The following AARSD1 variants were observed in gnomAD, a reference collection of about 807,000 sequenced individuals.
AARSD1 encodes the protein alanyl-tRNA editing protein Aarsd1.
A neutral mutation model predicts 48.7 loss-of-function variants in AARSD1; 44 were observed. The observed-to-expected ratio is 0.90, with a 90% CI of 0.71 to 1.16. AARSD1 has a LOEUF of 1.16. Ranked by LOEUF, AARSD1 falls within the 50% of genes most tolerant of loss-of-function variation. The pLI is 0.00. For synonymous variants in AARSD1, 189 were observed against 194.9 expected (o/e 0.97, Z 0.25); for missense variants, 511 against 523.1 (o/e 0.98, Z 0.23).
intron 3 of AARSD1, among the ~76,000 whole-genome samples, chr17:42,957,903 AGAAGAGGAAGAG>A (rs990946904): frequency 6.6e-6 from 1 of 152,176 alleles, no homozygotes; most frequent in African/African-American, 2.4e-5. Flanking sequence ...ATGAGGAGAA[AGAAGAGGAAGAG>A]GAGGAGGAAG....
At position 42,950,572 on chromosome 17, in the gene AARSD1, G is replaced by C; in HGVS notation, c.*21C>G. 1 of 1,563,550 alleles carries C rather than the reference G, an allele frequency of 6.4e-7. No individual in the cohort carries two copies. Among genetic ancestry groups the C allele is most frequent in the Non-Finnish European group, 8.7e-7 (1 of 1,151,340 alleles). ...TGACCAAAAGATTCCTGTGGAAACA[G>C]GAGGTGAGTGCCCTAAGCCCTCACT... On this transcript the variant is annotated 3_prime_UTR_variant, in exon 12 of 12. Coordinates refer to ENST00000427569, the MANE Select transcript of AARSD1 (RefSeq NM_001261434.2).
rs766025336 is a variant in AARSD1, at chr17:42,964,114, C to T, written c.163G>A (p.Gly55Arg). 6.2e-7 allele frequency: 1 copy of T among 1,614,184 alleles called. No homozygotes were observed. Among genetic ancestry groups the T allele is most frequent in the South Asian group, 1.1e-5 (1 of 91,082 alleles). Reference sequence around the variant, plus strand: ...AGAGATCGTTTTGGTACCTGTCCCCCGCCCTCAGGGAAAAGCACTGTGTCT... The same window carrying T: ...AGAGATCGTTTTGGTACCTGTCCCCTGCCCTCAGGGAAAAGCACTGTGTCT... ...LEDTVLFPEG[G>R]GQPDDRGTIN... is the part of the protein sequence containing the mutation. Residue 55 changes from glycine (G) to arginine (R), a missense_variant, in exon 2 of 12, where the codon GGG (glycine) becomes AGG (arginine). Transcript: ENST00000427569.
At chr17:42,952,384 A>G (rs1443197831) in intron 10 of AARSD1, among the ~76,000 whole-genome samples, 1 of 152,160 alleles carries the variant, frequency 6.6e-6, no homozygotes, top group East Asian at 1.9e-4. Context: ...CGACATACAT[A>G]TTTGTCTCCC....
rs372834963 is a variant in AARSD1, at chr17:42,955,677, G to A, written c.794+165C>T. ...AGGAAGGTCTTGATCTCCTGACCTCGTGATCCGCCCACCTCGGCCTCCCAA... is the reference window on the plus strand; with the variant it reads ...AGGAAGGTCTTGATCTCCTGACCTCATGATCCGCCCACCTCGGCCTCCCAA... On this transcript the variant is annotated intron_variant, in intron 7 of 11. Transcript: ENST00000427569. 131 of 1,181,174 alleles carry A rather than the reference G, an allele frequency of 1.1e-4. 1 individual carries two copies. In the East Asian group the frequency reaches 2.0e-3, roughly 18 times the overall value. 73.2% of individuals were successfully genotyped at this position (1,181,174 alleles called of 1,614,324 possible).
chr17:42,955,216 G>C lies in AARSD1; in HGVS notation c.803C>G (p.Ala268Gly). ...TTTCACTGCTTCCACATGATCCTCT[G>C]CTCCACACCTGAAAGAGAAAGGTCA... is the stretch of plus-strand genomic sequence containing the variant. ...KALTALLKCG[A>G]EDHVEAVKKL... is the part of the protein sequence containing the mutation. The change falls in exon 8 of 12, where the codon GCA becomes GGA. Residue 268 changes from alanine (A) to glycine (G), a missense_variant. Transcript: ENST00000427569. 6.2e-7 allele frequency: 1 copy of C among 1,613,936 alleles called. No individual in the cohort carries two copies. Among genetic ancestry groups the C allele is most frequent in the South Asian group, 1.1e-5 (1 of 91,072 alleles).
Position 42,954,944 on chromosome 17 carries a change from G to A in AARSD1, c.885C>T (p.Asp295=). 1 of 1,614,108 alleles carries A rather than the reference G, an allele frequency of 6.2e-7. No homozygotes were observed. ...GGCTATGGGCAATGTGCACAGCCAG[G>A]TCTCTGAGCAGATTCAGGTTATTCT... The part of the protein sequence containing the change: ...LQKNNLNLLR[D]LAVHIAHSLR... The change falls in exon 9 of 12, where the codon GAC becomes GAT. Residue 295 remains aspartate (D), a synonymous_variant. Transcript: ENST00000427569.
chr17:42,952,147 AT>A, intron 10 of AARSD1: 1 of 481,294 alleles, frequency 2.1e-6, no homozygotes, highest in Non-Finnish European at 3.8e-6. Context: ...TAAGCAGAAA[AT>A]GCCTTTCATG....
intron 3 of AARSD1, among the ~76,000 whole-genome samples, chr17:42,960,365 CA>C (rs1425638452): frequency 6.6e-6 from 1 of 151,944 alleles, no homozygotes; most frequent in Non-Finnish European, 1.5e-5. Context: ...TAGAGAGGTC[CA>C]GGGGGAAGAC....
At chr17:42,961,029 T>C (rs1215847321) in intron 3 of AARSD1, 163 bp downstream of exon 3, 1 of 1,177,516 alleles carries the variant, frequency 8.5e-7, no homozygotes, top group African/African-American at 1.6e-5. Context: ...TTCATGTTGC[T>C]GTTATAACAT....
chr17:42,953,886 A>G, intron 9 of AARSD1, 108 bp from the exon 10 acceptor site: 1 of 1,374,400 alleles, frequency 7.3e-7, no homozygotes, highest in South Asian at 1.2e-5. Context: ...ATGTACACAT[A>G]AAGTCCCATA....
intron 3 of AARSD1, chr17:42,960,822 A>C (rs1421551708): frequency 1.2e-5 from 2 of 169,766 alleles, no homozygotes; most frequent in African/African-American, 4.8e-5. Context: ...AACTTGAGTG[A>C]CTAGGTGCAT....
Position 42,955,669 on chromosome 17 carries a change from C to T in AARSD1, c.794+173G>A, listed in dbSNP as rs572824038. ...TGTTAGCCAGGAAGGTCTTGATCTC[C>T]TGACCTCGTGATCCGCCCACCTCGG... On this transcript the variant is annotated intron_variant, in intron 7 of 11. Transcript: ENST00000427569. The T allele has an allele frequency of 1.2e-5, 13 of 1,070,312 alleles. No homozygotes were observed. The South Asian group carries it at 2.0e-4, about 17-fold the overall frequency. The allele number at this position is 1,070,312 out of a possible 1,614,324, so 66.3% of individuals were successfully genotyped here. A position where few individuals can be genotyped will look rare whatever the true frequency, so the allele number is the denominator to read the frequency against.
chr17:42,959,475 G>A (rs1055902941), intron 3 of AARSD1, among the ~76,000 whole-genome samples: 6 of 151,590 alleles, frequency 4.0e-5, no homozygotes, highest in Admixed American at 6.6e-5. Flanking sequence ...TGATCTGTCC[G>A]ACTTGGCCTC....
At chr17:42,955,758 A>G in intron 7 of AARSD1, 84 bp downstream of exon 7, 1 of 1,586,726 alleles carries the variant, frequency 6.3e-7, no homozygotes, top group East Asian at 2.2e-5. Flanking sequence ...ATCATTTACG[A>G]TTGCATCTTA....
At chr17:42,953,380 G>A (rs1179200918) in intron 10 of AARSD1, among the ~76,000 whole-genome samples, 1 of 152,056 alleles carries the variant, frequency 6.6e-6, no homozygotes, top group Non-Finnish European at 1.5e-5. Context: ...AAAGTGCTGG[G>A]ATTACATGCG....
intron 2 of AARSD1, among the ~76,000 whole-genome samples, chr17:42,961,841 AC>A (rs2049641445): frequency 6.6e-6 from 1 of 151,930 alleles, no homozygotes; most frequent in Non-Finnish European, 1.5e-5. Flanking sequence ...ACACAGTGAG[AC>A]CCCACCTCTA....
intron 10 of AARSD1, 106 bp from the exon 11 acceptor site, chr17:42,952,000 ACC>A: frequency 7.8e-7 from 1 of 1,274,484 alleles, no homozygotes; most frequent in South Asian, 1.3e-5. Flanking sequence ...TTCCCCCTAA[ACC>A]ACCAAGTGAC....
chr17:42,961,673 G>A (rs896611671), intron 2 of AARSD1, among the ~76,000 whole-genome samples: 5 of 152,082 alleles, frequency 3.3e-5, no homozygotes, highest in Non-Finnish European at 5.9e-5. Flanking sequence ...TCTCTAAAAT[G>A]ATCTGATTTT....
chr17:42,954,585 C>A (rs942342404), intron 9 of AARSD1, among the ~76,000 whole-genome samples: 1 of 152,024 alleles, frequency 6.6e-6, no homozygotes, highest in Non-Finnish European at 1.5e-5. Context: ...CAGGCGCGTA[C>A]TACCATGCCT....
Sources: allele counts gnomAD v4.1 joint callset (sites outside exome capture counted in the v4.1 genomes callset), GRCh38; gene constraint gnomAD v4.1.1; transcripts MANE v1.5; gene names NCBI Gene and HGNC (gene_info 2026-07-23, HGNC 2026-07-21).